Variants in CTNNA3 observed in about 807,000 individuals in gnomAD.
CTNNA3 encodes catenin alpha-3.
In CTNNA3, 76 loss-of-function variants were observed where a neutral mutation model predicts 95.7. The ratio of observed to expected loss-of-function variants is 0.79; its 90% CI spans 0.66 to 0.96. The LOEUF is 0.96. Ranked by LOEUF, CTNNA3 falls within the 40% of genes least tolerant of loss-of-function variation. The probability of loss-of-function intolerance (pLI) is 0.00; values close to 1 mark genes in which losing one functional copy is unlikely to be tolerated. For synonymous variants in CTNNA3, 431 were observed against 374.4 expected (o/e 1.15, Z -1.74); for missense variants, 1,191 against 1,089.8 (o/e 1.09, Z -1.31).
chr10:66,446,142 A>C (rs2093419120), intron 11 of CTNNA3, among the ~76,000 whole-genome samples: 1 of 152,208 alleles, frequency 6.6e-6, no homozygotes, highest in Admixed American at 6.5e-5. Context: ...TGAATCTCTG[A>C]ATAGACTAAT....
At chr10:66,490,406 T>C (rs1485005133) in intron 11 of CTNNA3, among the ~76,000 whole-genome samples, 1 of 152,174 alleles carries the variant, frequency 6.6e-6, no homozygotes, top group Non-Finnish European at 1.5e-5. Flanking sequence ...GTTCTCTCAA[T>C]TTGTAATGCT....
intron 16 of CTNNA3, among the ~76,000 whole-genome samples, chr10:65,981,651 C>A (rs1237096832): frequency 6.6e-6 from 1 of 151,864 alleles, no homozygotes; most frequent in East Asian, 1.9e-4. Context: ...AAAATAGGCA[C>A]ACAGACCAAT....
intron 14 of CTNNA3, among the ~76,000 whole-genome samples, chr10:66,077,740 G>A (rs2394189): frequency 0.61 from 91,994 of 151,474 alleles, 27,996 homozygotes; most frequent in East Asian, 0.71. Context: ...CAGGTATCAA[G>A]AAAGCTGACG....
At chr10:66,026,063 C>G (rs2079327548) in intron 15 of CTNNA3, among the ~76,000 whole-genome samples, 1 of 152,112 alleles carries the variant, frequency 6.6e-6, no homozygotes, top group African/African-American at 2.4e-5. Flanking sequence ...GAGAGCGTAT[C>G]ATTAAAGATC....
At chr10:66,325,129 T>G (rs1209005757) in intron 12 of CTNNA3, among the ~76,000 whole-genome samples, 1 of 151,842 alleles carries the variant, frequency 6.6e-6, no homozygotes, top group African/African-American at 2.4e-5. Flanking sequence ...AAGCAAACAT[T>G]AAAATAAGAA....
chr10:66,290,139 C>T (rs572465490), intron 12 of CTNNA3, among the ~76,000 whole-genome samples: 3 of 151,948 alleles, frequency 2.0e-5, no homozygotes, highest in East Asian at 1.9e-4. Context: ...ATAGATAATA[C>T]GATGTGTGAA....
At chr10:67,292,262 G>T (rs1226220567) in intron 5 of CTNNA3, among the ~76,000 whole-genome samples, 1 of 152,176 alleles carries the variant, frequency 6.6e-6, no homozygotes, top group African/African-American at 2.4e-5. Flanking sequence ...GGGAAAAGAA[G>T]TTCTAGTTTC....
intron 13 of CTNNA3, among the ~76,000 whole-genome samples, chr10:66,220,289 A>G (rs907882551): frequency 6.6e-6 from 1 of 152,216 alleles, no homozygotes; most frequent in African/African-American, 2.4e-5. Context: ...AACTGTGATT[A>G]TAATTTGTAG....
intron 10 of CTNNA3, among the ~76,000 whole-genome samples, chr10:66,599,262 T>A (rs760343485): frequency 2.0e-5 from 3 of 152,002 alleles, no homozygotes; most frequent in Non-Finnish European, 2.9e-5. Flanking sequence ...CAGTTGACAG[T>A]ATATTCCACT....
chr10:66,815,801 A>G (rs1002062255), intron 7 of CTNNA3, among the ~76,000 whole-genome samples: 1 of 152,202 alleles, frequency 6.6e-6, no homozygotes, highest in Non-Finnish European at 1.5e-5. Flanking sequence ...TTCTCAGGAA[A>G]AGAAAAAGTG....
At chr10:66,775,709 T>C (rs923739933) in intron 7 of CTNNA3, among the ~76,000 whole-genome samples, 185 bp from the exon 8 acceptor site, 1 of 152,222 alleles carries the variant, frequency 6.6e-6, no homozygotes, top group Non-Finnish European at 1.5e-5. Context: ...AAAGCTCACA[T>C]TATTTTCATC....
At chr10:66,815,988 C>T (rs11599789) in intron 7 of CTNNA3, among the ~76,000 whole-genome samples, 8,404 of 152,160 alleles carry the variant, frequency 0.055, 302 homozygotes, top group Middle Eastern at 0.088. Flanking sequence ...AACTAATTTT[C>T]TTTGTGTTTT....
chr10:67,104,150 A>G (rs1178866707), intron 7 of CTNNA3, among the ~76,000 whole-genome samples: 2 of 151,880 alleles, frequency 1.3e-5, no homozygotes. Context: ...CAGGTTGCCA[A>G]TTTTACCAAA....
intron 10 of CTNNA3, among the ~76,000 whole-genome samples, chr10:66,613,176 CT>C (rs1489561061): frequency 2.0e-5 from 3 of 152,056 alleles, no homozygotes; most frequent in Non-Finnish European, 4.4e-5. Flanking sequence ...AGGCTATGTA[CT>C]TTAAAGTCAT....
Position 67,690,876 on chromosome 10 carries a change from G to A in CTNNA3, c.-6+5124C>T, listed in dbSNP as rs77090539. The stretch of plus-strand genomic sequence containing the variant: ...CTACAGCCTCTCCCTCTCCCTCTCC[G>A]TCTCTGTCTCCCTCTCCCCACGGTC... On this transcript the variant is annotated intron_variant, in intron 1 of 17. Transcript: ENST00000433211. Among the ~76,000 whole-genome samples, 359 of 129,930 alleles carry A rather than the reference G, an allele frequency of 2.8e-3. 2 individuals are homozygous for A. The highest frequency in any genetic ancestry group is 0.01 in the African/African-American group (325 of 31,898). 85.2% of individuals were successfully genotyped at this position (129,930 alleles called of 152,430 possible).
Position 66,330,042 on chromosome 10 carries a change from G to A in CTNNA3, c.1732+49110C>T, listed in dbSNP as rs143896321. The stretch of plus-strand genomic sequence containing the variant: ...AACAGGCAATTCACTGGTCAGTTGT[G>A]AAATATGAAAAAGAAGTAAGCACAT... On this transcript the variant is annotated intron_variant, in intron 12 of 17. Transcript: ENST00000433211. Among the ~76,000 whole-genome samples the A allele has an allele frequency of 2.2e-3, 339 of 152,086 alleles. 1 individual carries two copies. The highest frequency in any genetic ancestry group is 7.8e-3 in the African/African-American group (325 of 41,530).
At chr10:67,750,590 A>T in intron 1 of CTNNA3, 1 of 1,563,896 alleles carries the variant, frequency 6.4e-7, no homozygotes, top group Non-Finnish European at 8.8e-7. Context: ...TCTGAAGCTG[A>T]GTTATCTGGA....
At chr10:67,354,264 T>G (rs1488885847) in intron 5 of CTNNA3, among the ~76,000 whole-genome samples, 1 of 152,000 alleles carries the variant, frequency 6.6e-6, no homozygotes, top group African/African-American at 2.4e-5. Flanking sequence ...GCATCTTACA[T>G]TCTCCAAAAT....
intron 10 of CTNNA3, among the ~76,000 whole-genome samples, chr10:66,574,096 T>C (rs886535978): frequency 6.6e-6 from 1 of 152,142 alleles, no homozygotes; most frequent in African/African-American, 2.4e-5. Flanking sequence ...GTGCAGATAG[T>C]TGACATAGAT....
Sources: allele counts gnomAD v4.1 joint callset (sites outside exome capture counted in the v4.1 genomes callset), GRCh38; gene constraint gnomAD v4.1.1; transcripts MANE v1.5; gene names NCBI Gene and HGNC (gene_info 2026-07-23, HGNC 2026-07-21).